The following RTN1 variants were observed in gnomAD, a reference collection of about 807,000 sequenced individuals.
RTN1 encodes reticulon 1, also known as reticulon-1.
A neutral mutation model predicts 65.5 loss-of-function variants in RTN1; 25 were observed. The ratio of observed to expected loss-of-function variants is 0.38; its 90% CI spans 0.28 to 0.53. The LOEUF (loss-of-function observed/expected upper bound fraction) is 0.53. RTN1 is among the 20% of genes least tolerant of loss of function. RTN1 has a pLI of 0.79. For missense variants in RTN1, 983 were observed against 1,025.4 expected, an observed-to-expected ratio of 0.96 and a Z score of 0.57; for synonymous variants, 471 against 447.6, an observed-to-expected ratio of 1.05 and a Z score of -0.66.
At chr14:59,754,239 A>G (rs1480848812) in intron 1 of RTN1, among the ~76,000 whole-genome samples, 1 of 152,210 alleles carries the variant, frequency 6.6e-6, no homozygotes, top group Non-Finnish European at 1.5e-5. Context: ...CTACTGATTA[A>G]AAGAGGTCAG....
At chr14:59,853,504 C>T (rs564842483) in intron 1 of RTN1, among the ~76,000 whole-genome samples, 1 of 152,284 alleles carries the variant, frequency 6.6e-6, no homozygotes, top group South Asian at 2.1e-4. Context: ...TGTAAATCCT[C>T]AGCTCTTTCA....
intron 3 of RTN1, among the ~76,000 whole-genome samples, chr14:59,657,535 T>G (rs909381074): frequency 1.3e-5 from 2 of 152,182 alleles, no homozygotes; most frequent in Non-Finnish European, 2.9e-5. Flanking sequence ...CATTTCCAAC[T>G]GAGGTACCTG....
intron 3 of RTN1, among the ~76,000 whole-genome samples, chr14:59,613,214 A>C (rs1289981346): frequency 6.6e-6 from 1 of 152,254 alleles, no homozygotes; most frequent in African/African-American, 2.4e-5. Context: ...ATCAGGTAAT[A>C]AGAAATATGA....
At chr14:59,851,587 T>C (rs999483905) in intron 1 of RTN1, among the ~76,000 whole-genome samples, 3 of 152,036 alleles carry the variant, frequency 2.0e-5, no homozygotes, top group African/African-American at 4.8e-5. Flanking sequence ...TGGCCAGGCG[T>C]GGTGGCTCAC....
chr14:59,702,329 A>G (rs1168559173), intron 3 of RTN1, among the ~76,000 whole-genome samples: 1 of 152,222 alleles, frequency 6.6e-6, no homozygotes, highest in African/African-American at 2.4e-5. Context: ...CATCTGTTCT[A>G]AATAACTGAA....
intron 1 of RTN1, among the ~76,000 whole-genome samples, chr14:59,791,784 A>C (rs1161144725): frequency 6.6e-6 from 1 of 152,188 alleles, no homozygotes; most frequent in East Asian, 1.9e-4. Flanking sequence ...GCTCTGGGTA[A>C]TTATAGTCAC....
intron 8 of RTN1, among the ~76,000 whole-genome samples, chr14:59,600,293 AAT>A (rs1261510218): frequency 6.6e-6 from 1 of 152,146 alleles, no homozygotes; most frequent in Non-Finnish European, 1.5e-5. Flanking sequence ...AATGATATAT[AAT>A]ATTGAGGGTT....
At chr14:59,693,726 G>T (rs901110604) in intron 3 of RTN1, among the ~76,000 whole-genome samples, 1 of 152,178 alleles carries the variant, frequency 6.6e-6, no homozygotes, top group African/African-American at 2.4e-5. Context: ...TACAAGGTAT[G>T]CTATTAATCT....
At chr14:59,791,857 T>G (rs1016453699) in intron 1 of RTN1, among the ~76,000 whole-genome samples, 2 of 152,288 alleles carry the variant, frequency 1.3e-5, no homozygotes, top group Non-Finnish European at 1.5e-5. Flanking sequence ...CCTGGATTTT[T>G]TTTTGGTCCT....
rs75709570 is a variant in RTN1, at chr14:59,794,178, G to A, written c.242-47697C>T. On this transcript the variant is annotated intron_variant, in intron 1 of 8. Transcript: ENST00000267484. The surrounding 1 kb of genome is among the most constrained non-coding windows in gnomAD (Gnocchi z 5.1). ...GTAAGTGTATGGTATTATCTTGGCC[G>A]TAATGATTAATTCCGGTATAGACAT... Among the ~76,000 whole-genome samples, 1,915 of 152,220 alleles carry A rather than the reference G, an allele frequency of 0.013. 38 individuals carry two copies. The highest frequency in any genetic ancestry group is 0.043 in the African/African-American group (1,767 of 41,518).
intron 1 of RTN1, among the ~76,000 whole-genome samples, chr14:59,753,628 A>T (rs977541362): frequency 3.9e-5 from 6 of 152,208 alleles, no homozygotes; most frequent in African/African-American, 1.4e-4. Flanking sequence ...CCTAGACAGT[A>T]AATTATGTTG....
chr14:59,825,158 A>C lies in RTN1; in HGVS notation c.241+45232T>G, dbSNP rs1887008589. Among the ~76,000 whole-genome samples the C allele has an allele frequency of 6.6e-6, 1 of 152,230 alleles. No homozygotes were observed. The highest frequency in any genetic ancestry group is 6.5e-5 in the Admixed American group (1 of 15,282). ...TCCTGTGCATTGTAGAATCTTTACCAACATCCCTAGCCTCTACCGACTAGG... is the reference window on the plus strand; with the variant it reads ...TCCTGTGCATTGTAGAATCTTTACCCACATCCCTAGCCTCTACCGACTAGG... On this transcript the variant is annotated intron_variant, in intron 1 of 8. Transcript: ENST00000267484. The surrounding 1 kb of genome is among the most constrained non-coding windows in gnomAD (Gnocchi z 4.2).
chr14:59,653,286 T>C (rs371419487), intron 3 of RTN1, among the ~76,000 whole-genome samples: 4 of 152,158 alleles, frequency 2.6e-5, no homozygotes, highest in South Asian at 2.1e-4. Context: ...ACAAATGCTG[T>C]CAACCAAGAA....
intron 1 of RTN1, among the ~76,000 whole-genome samples, chr14:59,785,135 C>T (rs1016226980): frequency 1.3e-5 from 2 of 152,170 alleles, no homozygotes; most frequent in African/African-American, 4.8e-5. Context: ...TGTCTTACAA[C>T]TGTAAATATC....
intron 1 of RTN1, among the ~76,000 whole-genome samples, chr14:59,749,228 CTA>C (rs1294784718): frequency 1.6e-4 from 6 of 38,682 alleles, no homozygotes; most frequent in South Asian, 6.2e-4. Flanking sequence ...ATCTATATAT[CTA>C]TATATATCTA....
In RTN1 at chr14:59,749,250, ATATATC is replaced by A. The variant is rs1373176666; in HGVS notation, c.242-2775_242-2770del. Among the ~76,000 whole-genome samples the A allele has an allele frequency of 9.5e-3, 290 of 30,554 alleles. 43 individuals are homozygous for A. The highest frequency in any genetic ancestry group is 0.056 in the African/African-American group (259 of 4,590). 20.0% of individuals were successfully genotyped at this position (30,554 alleles called of 152,430 possible). A position where few individuals can be genotyped will look rare whatever the true frequency, so the allele number is the denominator to read the frequency against. ...TATCTATATATATCTATATATATCT[ATATATC>A]TATATATATCTATATATATATCTAT... On this transcript the variant is annotated intron_variant, in intron 1 of 8. Transcript: ENST00000267484.
intron 6 of RTN1, 131 bp from the exon 7 acceptor site, chr14:59,603,389 A>C: frequency 1.5e-6 from 1 of 685,622 alleles, no homozygotes. Flanking sequence ...TTTATTTTTT[A>C]TTCCCTATTT....
chr14:59,854,278 T>A (rs1407121359), intron 1 of RTN1, among the ~76,000 whole-genome samples: 2 of 152,182 alleles, frequency 1.3e-5, no homozygotes, highest in African/African-American at 4.8e-5. Context: ...TTATGCTCAC[T>A]GTAGTTCAGA....
intron 3 of RTN1, among the ~76,000 whole-genome samples, chr14:59,614,374 AT>A (rs1284015826): frequency 6.6e-6 from 1 of 152,140 alleles, no homozygotes; most frequent in African/African-American, 2.4e-5. Flanking sequence ...CAAATGAAAA[AT>A]TTCACAAGTG....
Sources: gnomAD v4.1 joint callset for allele counts (sites outside exome capture counted in the v4.1 genomes callset) on GRCh38, gnomAD v4.1.1 for gene constraint, Gnocchi (gnomAD v3.1) non-coding constraint, MANE v1.5 for transcripts, NCBI Gene and HGNC (gene_info 2026-07-23, HGNC 2026-07-21) for gene names.